Variants in SORCS2 observed in about 807,000 individuals in gnomAD.
SORCS2 encodes sortilin related VPS10 domain containing receptor 2, also known as VPS10 domain-containing receptor SorCS2.
SORCS2 carries 100 observed loss-of-function variants against 141.6 expected under a neutral mutation model. The ratio of observed to expected loss-of-function variants is 0.71; its 90% CI spans 0.60 to 0.83. SORCS2 has a LOEUF of 0.83. SORCS2 is among the 40% of genes least tolerant of loss of function. The probability of loss-of-function intolerance (pLI) is 0.00; values close to 1 mark genes in which losing one functional copy is unlikely to be tolerated. For synonymous variants in SORCS2, 789 were observed against 676.9 expected, an observed-to-expected ratio of 1.17 and a Z score of -2.57; for missense variants, 1,646 against 1,560.2, an observed-to-expected ratio of 1.05 and a Z score of -0.93.
rs1553808188 is a variant in SORCS2 at position 7,724,169 on chromosome 4, G to GTGATAGTGGTGGTGGTGA, written c.2611+290_2611+291insAGTGGTGGTGGTGATGAT. On this transcript the variant is annotated intron_variant, in intron 19 of 26. Transcript: ENST00000507866. Reference sequence around the variant, plus strand: ...GGTCGTGGTGGTGGTGGTGATGGTGGTGATGGTGATAGCAGTACTGGTGGT... The same window carrying GTGATAGTGGTGGTGGTGA: ...GGTCGTGGTGGTGGTGGTGATGGTGGTGATAGTGGTGGTGGTGATGATGGTGATAGCAGTACTGGTGGT... Among the ~76,000 whole-genome samples the GTGATAGTGGTGGTGGTGA allele has an allele frequency of 3.0e-3, 443 of 147,572 alleles. 1 individual carries two copies. The highest frequency in any genetic ancestry group is 0.011 in the African/African-American group (423 of 38,826).
chr4:7,558,375 A>C (rs1160357680), intron 3 of SORCS2, among the ~76,000 whole-genome samples: 3 of 152,094 alleles, frequency 2.0e-5, no homozygotes, highest in African/African-American at 7.2e-5. Context: ...ACAACCAAAA[A>C]TGTACCCAGA....
chr4:7,574,538 C>T (rs967634614), intron 3 of SORCS2, among the ~76,000 whole-genome samples: 10 of 149,848 alleles, frequency 6.7e-5, no homozygotes, highest in African/African-American at 2.5e-4. Flanking sequence ...GACCATGCCT[C>T]GTTAAAGGAG....
chr4:7,264,823 C>T (rs887811547), intron 1 of SORCS2, among the ~76,000 whole-genome samples: 2 of 152,206 alleles, frequency 1.3e-5, no homozygotes, highest in African/African-American at 4.8e-5. Flanking sequence ...GCACCCTCTC[C>T]GTGCAGCCCT....
At chr4:7,361,552 C>T (rs1039206363) in intron 1 of SORCS2, among the ~76,000 whole-genome samples, 2 of 152,102 alleles carry the variant, frequency 1.3e-5, no homozygotes, top group Non-Finnish European at 2.9e-5. Context: ...CTGCAGGCCC[C>T]CTGCCTCTGT....
At chr4:7,234,933 A>C (rs912052168) in intron 1 of SORCS2, among the ~76,000 whole-genome samples, 1 of 152,200 alleles carries the variant, frequency 6.6e-6, no homozygotes, top group Non-Finnish European at 1.5e-5. Flanking sequence ...CGCCGAGGAG[A>C]CAGGGGCTAG....
chr4:7,232,583 C>T (rs1711972836), intron 1 of SORCS2, among the ~76,000 whole-genome samples: 1 of 152,208 alleles, frequency 6.6e-6, no homozygotes, highest in Non-Finnish European at 1.5e-5. Flanking sequence ...GACCTTTAGA[C>T]TCCCGCTCAG....
chr4:7,381,249 T>C (rs573983905), intron 1 of SORCS2, among the ~76,000 whole-genome samples: 31 of 152,186 alleles, frequency 2.0e-4, no homozygotes, highest in Non-Finnish European at 4.3e-4. Context: ...TGGCTCTCTT[T>C]GGAGGGGATG....
At chr4:7,453,827 C>T (rs1309665538) in intron 2 of SORCS2, among the ~76,000 whole-genome samples, 147 of 45,024 alleles carry the variant, frequency 3.3e-3, no homozygotes, top group Middle Eastern at 0.025. Flanking sequence ...TGTGTTGGGG[C>T]CAGGCACTGT....
At chr4:7,381,036 T>C (rs1052147136) in intron 1 of SORCS2, among the ~76,000 whole-genome samples, 121 of 143,044 alleles carry the variant, frequency 8.5e-4, no homozygotes, top group African/African-American at 3.2e-3. Flanking sequence ...GAGCTGAGAT[T>C]GCGCCACTGC....
intron 1 of SORCS2, among the ~76,000 whole-genome samples, chr4:7,385,732 C>T (rs1436885695): frequency 6.6e-6 from 1 of 152,216 alleles, no homozygotes; most frequent in Non-Finnish European, 1.5e-5. Flanking sequence ...CTCCAGGCTC[C>T]TGCCTCGGGG....
Position 7,481,002 on chromosome 4 carries a change from G to A in SORCS2, c.549-50528G>A, listed in dbSNP as rs557272403. On this transcript the variant is annotated intron_variant, in intron 2 of 26. Coordinates refer to ENST00000507866, the MANE Select transcript of SORCS2 (RefSeq NM_020777.3). Reference sequence around the variant, plus strand: ...AGGAGAGGTGGCGAAATCCTGAGGGGCTTCTCCTCCTAGACCGACTGTCCT... The same window carrying A: ...AGGAGAGGTGGCGAAATCCTGAGGGACTTCTCCTCCTAGACCGACTGTCCT... 3.5e-4 allele frequency among the ~76,000 whole-genome samples: 54 copies of A among 152,366 alleles called. No homozygotes were observed. The South Asian group carries it at 0.011, about 31-fold the overall frequency.
Position 7,413,391 on chromosome 4 carries a change from C to CTTTTTTTTTTTTTTTTTTTTTT in SORCS2, c.548+17056_548+17057insTTTTTTTTTTTTTTTTTTTTTT. ...ATGATCCTCCGTATTTTCACAGCTG[C>CTTTTTTTTTTTTTTTTTTTTTT]TTTTTTTTTTTTTTTTTTTTGAGAT... On this transcript the variant is annotated intron_variant, in intron 2 of 26. Transcript: ENST00000507866. Among the ~76,000 whole-genome samples, 51 of 84,818 alleles carry CTTTTTTTTTTTTTTTTTTTTTT rather than the reference C, an allele frequency of 6.0e-4. 11 individuals carry two copies. The highest frequency in any genetic ancestry group is 9.2e-4 in the Non-Finnish European group (42 of 45,600). 55.6% of individuals were successfully genotyped at this position (84,818 alleles called of 152,430 possible).
chr4:7,374,089 G>A (rs904228154), intron 1 of SORCS2, among the ~76,000 whole-genome samples: 5 of 151,528 alleles, frequency 3.3e-5, no homozygotes, highest in Admixed American at 1.3e-4. Flanking sequence ...TTTGTCTGTG[G>A]TGCAAGGTTA....
intron 7 of SORCS2, among the ~76,000 whole-genome samples, chr4:7,666,115 G>A (rs193223857): frequency 3.4e-4 from 52 of 152,186 alleles, no homozygotes; most frequent in Non-Finnish European, 2.2e-4. Context: ...AGGGAGGGGC[G>A]ATTCAGGGGA....
intron 2 of SORCS2, among the ~76,000 whole-genome samples, chr4:7,467,077 C>G (rs532859184): frequency 6.6e-6 from 1 of 152,152 alleles, no homozygotes; most frequent in South Asian, 2.1e-4. Flanking sequence ...GGTTTTGTCT[C>G]AGCATCTAAA....
At chr4:7,452,584 C>T (rs535020790) in intron 2 of SORCS2, among the ~76,000 whole-genome samples, 126 of 152,358 alleles carry the variant, frequency 8.3e-4, no homozygotes, top group African/African-American at 3.0e-3. Flanking sequence ...ATGTGCTCTC[C>T]TGCTGACTCC....
intron 1 of SORCS2, among the ~76,000 whole-genome samples, chr4:7,387,700 GCACATGCACA>G (rs1237335555): frequency 3.4e-4 from 37 of 110,036 alleles, no homozygotes; most frequent in Admixed American, 7.2e-4. Context: ...AGATACACAC[GCACATGCACA>G]CACATGCACA....
chr4:7,426,995 C>T (rs1726487502), intron 2 of SORCS2, among the ~76,000 whole-genome samples: 1 of 152,144 alleles, frequency 6.6e-6, no homozygotes, highest in Non-Finnish European at 1.5e-5. Context: ...CTGGGCCCCT[C>T]CCACCAAGGA....
At chr4:7,533,088 A>G (rs952446726) in intron 3 of SORCS2, among the ~76,000 whole-genome samples, 2 of 152,146 alleles carry the variant, frequency 1.3e-5, no homozygotes, top group African/African-American at 4.8e-5. Flanking sequence ...AGAGGGAGGC[A>G]TCATTATCCC....
Sources: gnomAD v4.1 joint callset for allele counts (sites outside exome capture counted in the v4.1 genomes callset) on GRCh38, gnomAD v4.1.1 for gene constraint, MANE v1.5 for transcripts, NCBI Gene and HGNC (gene_info 2026-07-23, HGNC 2026-07-21) for gene names.